BICC1: variants seen among roughly 807,000 people sequenced by gnomAD.
BICC1 encodes the protein BicC family RNA binding protein 1.
Under a neutral mutation model 111.0 loss-of-function variants are expected in BICC1, and 43 were observed. The observed-to-expected ratio is 0.39, with a 90% CI of 0.30 to 0.50. The LOEUF is 0.50. BICC1 is among the 20% of genes least tolerant of loss of function. The pLI, the probability that BICC1 is intolerant of heterozygous loss-of-function variation, is 0.88. For synonymous variants in BICC1, 467 were observed against 434.4 expected (o/e 1.07, Z -0.93); for missense variants, 1,091 against 1,203.2 (o/e 0.91, Z 1.38).
intron 1 of BICC1, among the ~76,000 whole-genome samples, chr10:58,597,104 T>C (rs915861359): frequency 4.6e-5 from 7 of 152,182 alleles, no homozygotes; most frequent in Non-Finnish European, 8.8e-5. Context: ...AAGTTCTTTC[T>C]ATTTTCTATA....
chr10:58,652,770 A>T lies in BICC1; in HGVS notation c.237+31869A>T, dbSNP rs544755449. Among the ~76,000 whole-genome samples, 33 of 152,176 alleles carry T rather than the reference A, an allele frequency of 2.2e-4. 3 individuals carry two copies. The South Asian group carries it at 6.8e-3, about 32-fold the overall frequency. On this transcript the variant is annotated intron_variant, in intron 2 of 20. Coordinates refer to ENST00000373886, the MANE Select transcript of BICC1 (RefSeq NM_001080512.3). ...TTTAATATTATTACTGTCTAGTGGAATGTGGCTTCTTTTTACTTATTTTAG... is the reference window on the plus strand; with the variant it reads ...TTTAATATTATTACTGTCTAGTGGATTGTGGCTTCTTTTTACTTATTTTAG...
At chr10:58,680,381 G>A (rs943678278) in intron 2 of BICC1, among the ~76,000 whole-genome samples, 1 of 151,780 alleles carries the variant, frequency 6.6e-6, no homozygotes, top group Non-Finnish European at 1.5e-5. Context: ...ATTCCTATAC[G>A]CCAATAACAG....
chr10:58,817,827 T>C (rs1564631315), intron 19 of BICC1, 105 bp downstream of exon 19: 2 of 1,158,422 alleles, frequency 1.7e-6, no homozygotes, highest in Non-Finnish European at 2.4e-6. Context: ...TCACTGAGCA[T>C]TTATTCAAGT....
At chr10:58,515,049 C>A (rs1443033572) in intron 1 of BICC1, among the ~76,000 whole-genome samples, 1 of 152,140 alleles carries the variant, frequency 6.6e-6, no homozygotes, top group African/African-American at 2.4e-5. Context: ...AAGTGTATAA[C>A]CTGAGCTTTA....
In BICC1 at chr10:58,828,817, C is replaced by T. The variant is rs1589182799; in HGVS notation, c.2851C>T (p.Leu951=). The T allele has an allele frequency of 1.2e-6, 2 of 1,613,958 alleles. No individual in the cohort carries two copies. The highest frequency in any genetic ancestry group is 1.7e-6 in the Non-Finnish European group (2 of 1,179,880). Residue 951 remains leucine, a synonymous_variant, in exon 21 of 21, where the codon CTG becomes TTG. Transcript: ENST00000373886. The stretch of plus-strand genomic sequence containing the variant: ...ATCGCCAAATGCACGCACCTCTTTC[C>T]TGGAAGGTGGAGCGAGTGGAAGGCT... The part of the protein sequence containing the change: ...FESPNARTSF[L]EGGASGRLPR...
chr10:58,515,762 T>G (rs1406694647), intron 1 of BICC1, among the ~76,000 whole-genome samples: 3 of 152,154 alleles, frequency 2.0e-5, no homozygotes, highest in Non-Finnish European at 4.4e-5. Context: ...TACTAGGACC[T>G]TTTAGGTTTT....
At chr10:58,759,148 C>T (rs187693596) in intron 3 of BICC1, among the ~76,000 whole-genome samples, 11 of 151,754 alleles carry the variant, frequency 7.2e-5, no homozygotes, top group East Asian at 5.8e-4. Flanking sequence ...TTAGTAGGGA[C>T]GGGGTTTTGT....
At chr10:58,826,982 T>G (rs1029736195) in intron 20 of BICC1, among the ~76,000 whole-genome samples, 2 of 152,180 alleles carry the variant, frequency 1.3e-5, no homozygotes, top group Non-Finnish European at 2.9e-5. Flanking sequence ...CTAGACTGTT[T>G]CCATTGATAC....
intron 2 of BICC1, among the ~76,000 whole-genome samples, chr10:58,645,276 G>T (rs913435889): frequency 6.6e-6 from 1 of 152,016 alleles, no homozygotes; most frequent in Non-Finnish European, 1.5e-5. Flanking sequence ...GGGTGTGGTG[G>T]TGGGCGCCTG....
chr10:58,650,908 C>G (rs1838426828), intron 2 of BICC1: 1 of 151,914 alleles, frequency 6.6e-6, no homozygotes. Flanking sequence ...GAAGGTGAAA[C>G]CAACTGCAGT....
intron 3 of BICC1, among the ~76,000 whole-genome samples, chr10:58,724,518 C>G (rs904869841): frequency 1.3e-5 from 2 of 152,190 alleles, no homozygotes; most frequent in African/African-American, 4.8e-5. Flanking sequence ...ACTGGGTCAT[C>G]TTTCAGCTCC....
intron 1 of BICC1, among the ~76,000 whole-genome samples, chr10:58,598,980 G>A (rs1328733971): frequency 1.3e-5 from 2 of 152,094 alleles, no homozygotes; most frequent in Non-Finnish European, 2.9e-5. Flanking sequence ...TTAGAATGGC[G>A]ATCGTTAAAA....
intron 1 of BICC1, among the ~76,000 whole-genome samples, chr10:58,528,643 C>A (rs144470684): frequency 5.3e-5 from 8 of 152,016 alleles, no homozygotes; most frequent in African/African-American, 1.4e-4. Flanking sequence ...AAATAAACCA[C>A]TTCTCCCCAC....
intron 1 of BICC1, among the ~76,000 whole-genome samples, chr10:58,574,569 C>G (rs1283949440): frequency 6.6e-6 from 1 of 152,082 alleles, no homozygotes; most frequent in Non-Finnish European, 1.5e-5. Context: ...CCTTCAGGAA[C>G]AGTTTTCAAG....
intron 1 of BICC1, among the ~76,000 whole-genome samples, chr10:58,578,776 T>A (rs2132003334): frequency 6.6e-6 from 1 of 152,178 alleles, no homozygotes; most frequent in East Asian, 1.9e-4. Context: ...ATAACCCCTA[T>A]AAGAGCCATG....
chr10:58,609,363 A>C (rs1845337750), intron 1 of BICC1, among the ~76,000 whole-genome samples: 1 of 152,196 alleles, frequency 6.6e-6, no homozygotes, highest in African/African-American at 2.4e-5. Context: ...CTTTGTTTTC[A>C]GTTCCTCATA....
chr10:58,766,801 T>C (rs1842468634), intron 3 of BICC1, among the ~76,000 whole-genome samples: 4 of 152,022 alleles, frequency 2.6e-5, no homozygotes, highest in Non-Finnish European at 4.4e-5. Flanking sequence ...TGCCCATGAT[T>C]CTTCTCACAG....
intron 2 of BICC1, among the ~76,000 whole-genome samples, chr10:58,625,547 T>A (rs1333876830): frequency 6.6e-6 from 1 of 152,180 alleles, no homozygotes; most frequent in Non-Finnish European, 1.5e-5. Flanking sequence ...TTATATTCTT[T>A]GAATATATTG....
In BICC1 at chr10:58,525,899, T is replaced by TTCTAAGCAGAATTTCTAAGCAGAA. The variant is rs548954391; in HGVS notation, c.190+12567_190+12568insCTAAGCAGAATTTCTAAGCAGAAT. Among the ~76,000 whole-genome samples, 537 of 152,126 alleles carry TTCTAAGCAGAATTTCTAAGCAGAA rather than the reference T, an allele frequency of 3.5e-3. 4 individuals carry two copies. Among genetic ancestry groups the TTCTAAGCAGAATTTCTAAGCAGAA allele is most frequent in the African/African-American group, 0.012 (505 of 41,546 alleles). On this transcript the variant is annotated intron_variant, in intron 1 of 20. Coordinates refer to ENST00000373886, the MANE Select transcript of BICC1 (RefSeq NM_001080512.3). Reference sequence around the variant, plus strand: ...AAATGTTTTCTGTATTTCTAAGCAGTTTTCAGAATTCTGTGGTTGAATAAT... The same window carrying TTCTAAGCAGAATTTCTAAGCAGAA: ...AAATGTTTTCTGTATTTCTAAGCAGTTCTAAGCAGAATTTCTAAGCAGAATTTCAGAATTCTGTGGTTGAATAAT...
Sources: gnomAD v4.1 joint callset for allele counts (sites outside exome capture counted in the v4.1 genomes callset) on GRCh38, gnomAD v4.1.1 for gene constraint, MANE v1.5 for transcripts, NCBI Gene and HGNC (gene_info 2026-07-23, HGNC 2026-07-21) for gene names.